The following BPTF variants were observed in gnomAD, a reference collection of about 807,000 sequenced individuals.
BPTF encodes the protein bromodomain PHD finger transcription factor.
A neutral mutation model predicts 292.5 loss-of-function variants in BPTF; 18 were observed. The observed-to-expected ratio is 0.06, with a 90% CI of 0.04 to 0.09. The LOEUF (loss-of-function observed/expected upper bound fraction) is 0.09. BPTF is among the 10% of genes least tolerant of loss of function. The pLI, the probability that BPTF is intolerant of heterozygous loss-of-function variation, is 1.00. For synonymous variants in BPTF, 1,225 were observed against 1,251.9 expected, an observed-to-expected ratio of 0.98 and a Z score of 0.45; for missense variants, 2,726 against 3,498.7, an observed-to-expected ratio of 0.78 and a Z score of 5.57.
chr17:67,913,590 C>A (rs191212027), intron 11 of BPTF, among the ~76,000 whole-genome samples: 1 of 152,078 alleles, frequency 6.6e-6, no homozygotes, highest in Admixed American at 6.6e-5. Flanking sequence ...GACATAAACA[C>A]GCCTGTAAAT....
chr17:67,907,101 T>C (rs139051091), intron 9 of BPTF, among the ~76,000 whole-genome samples: 2,586 of 151,576 alleles, frequency 0.017, 65 homozygotes, highest in African/African-American at 0.055. Flanking sequence ...GGGAGGATCG[T>C]TTGAGCCCAG....
intron 21 of BPTF, among the ~76,000 whole-genome samples, chr17:67,947,401 T>C (rs1416139289): frequency 6.6e-6 from 1 of 152,192 alleles, no homozygotes; most frequent in Non-Finnish European, 1.5e-5. Flanking sequence ...CAGGTTAAAA[T>C]TTCAGCTGTA....
intron 23 of BPTF, among the ~76,000 whole-genome samples, chr17:67,958,903 G>C (rs1416605680): frequency 6.6e-6 from 1 of 152,190 alleles, no homozygotes; most frequent in South Asian, 2.1e-4. Flanking sequence ...GGAGACATAA[G>C]TTGCAGTGAG....
intron 18 of BPTF, among the ~76,000 whole-genome samples, chr17:67,938,195 G>A (rs2065079431): frequency 6.6e-6 from 1 of 152,164 alleles, no homozygotes; most frequent in Non-Finnish European, 1.5e-5. Context: ...GATCATCTGG[G>A]TGGCTTATAA....
At chr17:67,884,615 C>T (rs544066144) in intron 4 of BPTF, among the ~76,000 whole-genome samples, 2 of 152,032 alleles carry the variant, frequency 1.3e-5, no homozygotes, top group East Asian at 3.9e-4. Context: ...GGAGTTTCAC[C>T]GTGTTGCCCA....
chr17:67,893,683 A>G lies in BPTF; in HGVS notation c.2369A>G (p.Asn790Ser). 1.2e-6 allele frequency: 2 copies of G among 1,610,198 alleles called. No individual in the cohort carries two copies. Among genetic ancestry groups the G allele is most frequent in the Non-Finnish European group, 1.7e-6 (2 of 1,177,110 alleles). ...LRLTITQLENNIPSSFLHPNW... is the reference protein window; with the variant it reads ...LRLTITQLENSIPSSFLHPNW... The stretch of plus-strand genomic sequence containing the variant: ...CTGACTATCACCCAATTAGAAAACA[A>G]CATCCCTTCATCCTTTCTTCATCCC... Residue 790 changes from asparagine to serine, a missense_variant, in exon 6 of 28, where the codon AAC becomes AGC. This residue lies in a region of BPTF where 99 missense variants were observed against 227.1 expected (regional missense o/e 0.44). Transcript: ENST00000306378.
intron 9 of BPTF, among the ~76,000 whole-genome samples, chr17:67,905,550 G>A (rs549537431): frequency 1.1e-4 from 16 of 151,580 alleles, no homozygotes; most frequent in Non-Finnish European, 1.6e-4. Flanking sequence ...CTACAAAAAC[G>A]TTTTAAAAAT....
rs577324357 is a variant in BPTF at position 67,912,660 on chromosome 17, C to T, written c.4776C>T (p.Thr1592=). Residue 1592 remains threonine (T), a synonymous_variant, in exon 11 of 28, where the codon ACC becomes ACT. Coordinates refer to ENST00000306378, the MANE Select transcript of BPTF (RefSeq NM_182641.4). ...KTVITEVTTM[T]STVATESKTV... is the part of the protein sequence containing the mutation. Reference sequence around the variant, plus strand: ...TCATCACAGAAGTCACCACGATGACCTCCACAGTGGCCACAGAATCAAAAA... The same window carrying T: ...TCATCACAGAAGTCACCACGATGACTTCCACAGTGGCCACAGAATCAAAAA... 2 of 1,613,868 alleles carry T rather than the reference C, an allele frequency of 1.2e-6. No individual in the cohort carries two copies. The highest frequency in any genetic ancestry group is 1.7e-6 in the Non-Finnish European group (2 of 1,180,034).
Position 67,894,021 on chromosome 17 carries a change from T to C in BPTF, c.2412-13T>C. 6.2e-7 allele frequency: 1 copy of C among 1,609,438 alleles called. No individual in the cohort carries two copies. The highest frequency in any genetic ancestry group is 8.5e-7 in the Non-Finnish European group (1 of 1,176,808). On this transcript the variant is annotated splice_polypyrimidine_tract_variant and intron_variant, in intron 6 of 27. Transcript: ENST00000306378. The stretch of plus-strand genomic sequence containing the variant: ...CTAGTGAAATAATTTCTCTCATTTC[T>C]TCTGAAATACAGGGCAAATTGGATC...
At chr17:67,966,470 T>G (rs782785097) in intron 25 of BPTF, 102 bp from the exon 26 acceptor site, 3 of 1,020,852 alleles carry the variant, frequency 2.9e-6, no homozygotes, top group Admixed American at 2.2e-5. Flanking sequence ...TGTATCAAAT[T>G]TAAAACTCAC....
intron 7 of BPTF, among the ~76,000 whole-genome samples, chr17:67,901,968 C>T (rs922086611): frequency 6.6e-6 from 1 of 152,212 alleles, no homozygotes; most frequent in Non-Finnish European, 1.5e-5. Context: ...ACCACAAAAC[C>T]CTGAGCACCA....
chr17:67,952,136 C>T (rs1301357177), intron 23 of BPTF, among the ~76,000 whole-genome samples: 1 of 151,690 alleles, frequency 6.6e-6, no homozygotes, highest in Non-Finnish European at 1.5e-5. Context: ...TGGTGAATCC[C>T]CGTCTCTGCT....
At chr17:67,902,037 GA>G (rs2061878846) in intron 7 of BPTF, among the ~76,000 whole-genome samples, 1 of 152,222 alleles carries the variant, frequency 6.6e-6, no homozygotes, top group Non-Finnish European at 1.5e-5. Flanking sequence ...GAAGTAGAAA[GA>G]AAATCTGCCA....
intron 11 of BPTF, among the ~76,000 whole-genome samples, chr17:67,917,546 C>G (rs1328585059): frequency 1.3e-5 from 2 of 151,858 alleles, no homozygotes; most frequent in African/African-American, 4.8e-5. Context: ...TGAATAACCA[C>G]CATTTGGATG....
chr17:67,916,697 C>T (rs749392664), intron 11 of BPTF, among the ~76,000 whole-genome samples: 5 of 145,214 alleles, frequency 3.4e-5, no homozygotes, highest in Non-Finnish European at 5.9e-5. Flanking sequence ...ACCTGGGAGG[C>T]GAAGGTTTCA....
At chr17:67,937,737 G>A (rs1429947648) in intron 18 of BPTF, among the ~76,000 whole-genome samples, 1 of 151,674 alleles carries the variant, frequency 6.6e-6, no homozygotes, top group Non-Finnish European at 1.5e-5. Context: ...GAGGTGGAGG[G>A]TGGGTGGGTA....
chr17:67,904,251 A>T (rs2146661485), intron 8 of BPTF, among the ~76,000 whole-genome samples: 1 of 152,190 alleles, frequency 6.6e-6, no homozygotes, highest in Middle Eastern at 3.4e-3. Flanking sequence ...TGAGTCTTGG[A>T]ACTCCTGACC....
intron 14 of BPTF, 83 bp downstream of exon 14, chr17:67,923,073 T>G (rs1345635653): frequency 7.1e-6 from 9 of 1,260,736 alleles, no homozygotes; most frequent in Admixed American, 2.4e-5. Flanking sequence ...TTTTTTTTTT[T>G]GAGACAGGAT....
intron 15 of BPTF, among the ~76,000 whole-genome samples, chr17:67,927,457 A>G (rs552276765): frequency 6.6e-5 from 10 of 152,246 alleles, no homozygotes; most frequent in Non-Finnish European, 1.5e-4. Context: ...TTCTGTAAAA[A>G]TATTTGAATG....
Sources: gnomAD v4.1 joint callset for allele counts (sites outside exome capture counted in the v4.1 genomes callset) on GRCh38, gnomAD v4.1.1 for gene constraint, gnomAD v4.1.1 regional missense constraint, MANE v1.5 for transcripts, NCBI Gene and HGNC (gene_info 2026-07-23, HGNC 2026-07-21) for gene names.